TMCO6: variants seen among roughly 807,000 people sequenced by gnomAD.
The protein encoded by TMCO6 is transmembrane and coiled-coil domains 6, also known as transmembrane and coiled-coil domain-containing protein 6.
Under a neutral mutation model 61.8 loss-of-function variants are expected in TMCO6, and 47 were observed. The ratio of observed to expected loss-of-function variants is 0.76; its 90% CI spans 0.60 to 0.97. The LOEUF (loss-of-function observed/expected upper bound fraction) is 0.97. Ranked by LOEUF, TMCO6 falls within the 50% of genes least tolerant of loss-of-function variation. TMCO6 has a pLI of 0.00. For missense variants in TMCO6, 557 were observed against 601.6 expected, an observed-to-expected ratio of 0.93 and a Z score of 0.78; for synonymous variants, 261 against 254.2, an observed-to-expected ratio of 1.03 and a Z score of -0.25.
the TMCO6 span, among the ~76,000 whole-genome samples, chr5:140,622,154 G>T: frequency 2.6e-5 from 4 of 152,260 alleles, no homozygotes; most frequent in African/African-American, 9.6e-5. Flanking sequence ...TTTGCAGCTT[G>T]TGGGGCATCA....
the TMCO6 span, chr5:140,632,546 G>A: frequency 1.5e-3 from 2,404 of 1,614,168 alleles, 2 homozygotes; most frequent in Admixed American, 2.0e-3. This position sits in a 1 kb window ranked among gnomAD's most constrained non-coding sequence, Gnocchi z 6.2. Flanking sequence ...GTAGGCGCAA[G>A]CTGGAAAGTG....
At chr5:140,609,595 G>T in the TMCO6 span, among the ~76,000 whole-genome samples, 5 of 147,796 alleles carry the variant, frequency 3.4e-5, no homozygotes, top group African/African-American at 1.3e-4. Context: ...AACAGGCATA[G>T]AAGCAAGTGC....
the TMCO6 span, chr5:140,631,727 G>C: frequency 7.0e-6 from 6 of 861,546 alleles, no homozygotes; most frequent in Non-Finnish European, 1.1e-5. Flanking sequence ...TGAATGACAC[G>C]GACCCGTTGT....
chr5:140,644,920 G>T (rs1487173652), intron 11 of TMCO6, 65 bp from the exon 12 acceptor site: 1 of 1,563,760 alleles, frequency 6.4e-7, no homozygotes, highest in African/African-American at 1.4e-5. Context: ...TGACCCATGA[G>T]GCTGTGGGAA....
chr5:140,609,871 T>TTTTTTTC, the TMCO6 span, among the ~76,000 whole-genome samples: 1 of 152,034 alleles, frequency 6.6e-6, no homozygotes, highest in African/African-American at 2.4e-5. Context: ...GCAAGTGGAA[T>TTTTTTTC]TTTTTTCTTT....
chr5:140,615,228 G>T, the TMCO6 span, among the ~76,000 whole-genome samples: 2 of 151,996 alleles, frequency 1.3e-5, 1 homozygote, highest in South Asian at 4.2e-4. Flanking sequence ...AAATACTTAG[G>T]AATAAACTTC....
chr5:140,608,548 G>A, the TMCO6 span, among the ~76,000 whole-genome samples: 1 of 152,096 alleles, frequency 6.6e-6, no homozygotes, highest in Non-Finnish European at 1.5e-5. Flanking sequence ...CAGGCTTTTG[G>A]AGTCATATCT....
intron 11 of TMCO6, 82 bp from the exon 12 acceptor site, chr5:140,644,903 A>T: frequency 6.5e-7 from 1 of 1,529,352 alleles, no homozygotes. Flanking sequence ...CACCCTCTGG[A>T]GTAGGCTGAC....
the TMCO6 span, among the ~76,000 whole-genome samples, chr5:140,621,290 G>A: frequency 3.9e-5 from 6 of 152,182 alleles, no homozygotes; most frequent in African/African-American, 4.8e-5. Flanking sequence ...GGCTGAAGCC[G>A]TGACAGAAGA....
chr5:140,644,850 T>C lies in TMCO6; in HGVS notation c.1368+110T>C, dbSNP rs1180490020. 6 of 1,518,426 alleles carry C rather than the reference T, an allele frequency of 4.0e-6. No homozygotes were observed. The African/African-American group carries it at 4.1e-5, about 10-fold the overall frequency. The allele number at this position is 1,518,426 out of a possible 1,614,324, so 94.1% of individuals were successfully genotyped here. A position where few individuals can be genotyped will look rare whatever the true frequency, so the allele number is the denominator to read the frequency against. On this transcript the variant is annotated intron_variant, in intron 11 of 11. Coordinates refer to ENST00000394671, the MANE Select transcript of TMCO6 (RefSeq NM_018502.5). ...TGTTTCTCTGGGCCTGGCTAACCTA[T>C]ATAGGTTCCATGTCAGAAACTTCAT...
At chr5:140,614,141 C>T in the TMCO6 span, among the ~76,000 whole-genome samples, 3,205 of 152,192 alleles carry the variant, frequency 0.021, 69 homozygotes, top group African/African-American at 0.054. Flanking sequence ...CCTTGTGATC[C>T]GCCTGCCTTG....
chr5:140,609,717 T>G, the TMCO6 span, among the ~76,000 whole-genome samples: 1 of 151,798 alleles, frequency 6.6e-6, no homozygotes, highest in African/African-American at 2.4e-5. Flanking sequence ...AATCATAAGA[T>G]CTATGAGCAT....
chr5:140,638,300 G>C (rs1756824870), upstream of TMCO6, among the ~76,000 whole-genome samples: 1 of 152,182 alleles, frequency 6.6e-6, no homozygotes, highest in African/African-American at 2.4e-5. Flanking sequence ...AAAGTGGAGA[G>C]GAAAGGGGAA....
chr5:140,623,701 C>T, the TMCO6 span, among the ~76,000 whole-genome samples: 1 of 152,144 alleles, frequency 6.6e-6, no homozygotes, highest in Non-Finnish European at 1.5e-5. Context: ...CCTGAGCCCA[C>T]CTTTTTTCTC....
At position 140,644,813 on chromosome 5, in the gene TMCO6, C is replaced by G. The variant is rs1408220833; in HGVS notation, c.1368+73C>G. The stretch of plus-strand genomic sequence containing the variant: ...CACAGTGGCTCCCTTCCCATCCAGT[C>G]CTAACTATAGTTGTTTCTCTGGGCC... On this transcript the variant is annotated intron_variant, in intron 11 of 11. Transcript: ENST00000394671. 1.9e-6 allele frequency: 3 copies of G among 1,581,934 alleles called. No individual in the cohort carries two copies. In the African/African-American group the frequency reaches 4.1e-5, roughly 21 times the overall value.
the TMCO6 span, among the ~76,000 whole-genome samples, chr5:140,598,299 G>A: frequency 4.6e-5 from 7 of 151,518 alleles, no homozygotes; most frequent in East Asian, 1.9e-4. Context: ...GAACTCTTGC[G>A]CTAAAGTGAT....
intron 7 of TMCO6, 186 bp from the exon 8 acceptor site, chr5:140,643,378 A>G: frequency 1.5e-6 from 1 of 652,506 alleles, no homozygotes; most frequent in South Asian, 1.7e-5. Flanking sequence ...TGTATTTCTA[A>G]TAGAGACGGA....
intron 4 of TMCO6, 122 bp from the exon 5 acceptor site, chr5:140,642,193 C>A: frequency 7.2e-7 from 1 of 1,396,208 alleles, no homozygotes; most frequent in Non-Finnish European, 9.8e-7. Context: ...ATCATCTCCC[C>A]ACCCTCTTGT....
upstream of TMCO6, chr5:140,639,280 C>G (rs1273203308): frequency 2.1e-6 from 1 of 487,698 alleles, no homozygotes; most frequent in Admixed American, 3.9e-5. Flanking sequence ...GACAGGAAAT[C>G]AATCAGAGGC....
Sources: allele counts gnomAD v4.1 joint callset (sites outside exome capture counted in the v4.1 genomes callset), GRCh38; gene constraint gnomAD v4.1.1; non-coding constraint Gnocchi (gnomAD v3.1); transcripts MANE v1.5; gene names NCBI Gene and HGNC (gene_info 2026-07-23, HGNC 2026-07-21).